CARF: variants seen among roughly 807,000 people sequenced by gnomAD.
The protein encoded by CARF is calcium responsive transcription factor.
CARF carries 57 observed loss-of-function variants against 82.0 expected under a neutral mutation model. The observed-to-expected ratio is 0.70, with a 90% CI of 0.56 to 0.87. The LOEUF (loss-of-function observed/expected upper bound fraction) is 0.87, where lower values mean the gene tolerates loss of function less well. Ranked by LOEUF, CARF falls within the 40% of genes least tolerant of loss-of-function variation. The probability of loss-of-function intolerance (pLI) is 0.00; values close to 1 mark genes in which losing one functional copy is unlikely to be tolerated. For synonymous variants in CARF, 268 were observed against 290.1 expected (o/e 0.92, Z 0.77); for missense variants, 771 against 855.8 (o/e 0.90, Z 1.24).
At position 202,952,583 on chromosome 2, in the gene CARF, A is replaced by G. The variant is rs1218155915; in HGVS notation, c.331A>G (p.Asn111Asp). 6.2e-7 allele frequency: 1 copy of G among 1,613,786 alleles called. No individual in the cohort carries two copies. The highest frequency in any genetic ancestry group is 1.3e-5 in the African/African-American group (1 of 74,882). ...GATGATCGTTGCCAGCCCAACAGAA[A>G]ATGGACAGGTACTTCGTGTAATTCC... Reference protein sequence around the residue: ...QMMIVASPTENGQVLRVIPPT... With the variant: ...QMMIVASPTEDGQVLRVIPPT... Residue 111 changes from asparagine (N) to aspartate (D), a missense_variant, in exon 6 of 17, where the codon AAT becomes GAT. Physicochemically the swap from Asn to Asp is conservative, Grantham distance 23 (BLOSUM62 1). Transcript: ENST00000438828.
intron 1 of CARF, among the ~76,000 whole-genome samples, chr2:202,917,398 C>T (rs1689941435): frequency 6.6e-6 from 1 of 151,992 alleles, no homozygotes; most frequent in Non-Finnish European, 1.5e-5. Flanking sequence ...ACTGTTTAGG[C>T]TCCATATTTA....
At chr2:202,925,426 C>T (rs962301335) in intron 3 of CARF, 10 of 300,888 alleles carry the variant, frequency 3.3e-5, no homozygotes, top group Admixed American at 1.1e-4. Context: ...TGCCGAGGTC[C>T]GTGCCCAGTA....
At chr2:202,964,542 A>G (rs2059460474) in intron 9 of CARF, among the ~76,000 whole-genome samples, 1 of 152,044 alleles carries the variant, frequency 6.6e-6, no homozygotes, top group African/African-American at 2.4e-5. Context: ...CAGCCTCCCA[A>G]AGTGCTGGTA....
chr2:202,960,950 G>C (rs556320053), intron 8 of CARF, among the ~76,000 whole-genome samples: 3 of 152,168 alleles, frequency 2.0e-5, no homozygotes, highest in Admixed American at 6.5e-5. Context: ...TGAAAGAATT[G>C]ATATACATTA....
intron 12 of CARF, among the ~76,000 whole-genome samples, chr2:202,972,946 C>G (rs2059862766): frequency 1.3e-5 from 2 of 151,848 alleles, no homozygotes; most frequent in South Asian, 4.2e-4. Flanking sequence ...TTTTTTTTAA[C>G]TTTTTTTGTA....
At chr2:202,947,487 G>C (rs2058556616) in intron 5 of CARF, among the ~76,000 whole-genome samples, 1 of 152,046 alleles carries the variant, frequency 6.6e-6, no homozygotes, top group South Asian at 2.1e-4. Flanking sequence ...GGGGGTAGGG[G>C]GAAAGAGGAT....
In CARF at chr2:202,942,809, A is replaced by G. The variant is rs771043074; in HGVS notation, c.148A>G (p.Thr50Ala). 6.2e-7 allele frequency: 1 copy of G among 1,614,038 alleles called. No homozygotes were observed. The highest frequency in any genetic ancestry group is 8.5e-7 in the Non-Finnish European group (1 of 1,179,990). Residue 50 changes from threonine to alanine, a missense_variant, in exon 5 of 17, where the codon ACT becomes GCT. Physicochemically the swap from Thr to Ala is moderately conservative, Grantham distance 58 (BLOSUM62 0). Coordinates refer to ENST00000438828, the MANE Select transcript of CARF (RefSeq NM_024744.17). The part of the protein sequence containing the change: ...QNDSPTVLPI[T>A]TREANNSLIS... ...TGATTCTCCTACAGTTTTGCCCATC[A>G]CTACTCGTGAAGCAAATAATTCACT... is the stretch of plus-strand genomic sequence containing the variant.
chr2:202,960,771 TTCCCTCCTTCCCTCCC>T (rs1417245365), intron 8 of CARF, among the ~76,000 whole-genome samples: 1 of 149,710 alleles, frequency 6.7e-6, no homozygotes, highest in African/African-American at 2.4e-5. Context: ...CCTTCTCTCC[TTCCCTCCTTCCCTCCC>T]TCCCTCCTTC....
chr2:202,942,437 A>T, intron 4 of CARF: 1 of 190,670 alleles, frequency 5.2e-6, no homozygotes. Flanking sequence ...TTAATATTAT[A>T]ATACAGAACT....
intron 5 of CARF, among the ~76,000 whole-genome samples, chr2:202,949,916 A>G (rs573374027): frequency 6.6e-6 from 1 of 152,286 alleles, no homozygotes; most frequent in African/African-American, 2.4e-5. Context: ...CAATGGATGA[A>G]GATGTTTTGG....
At chr2:202,935,104 A>T (rs1276909971) in intron 3 of CARF, among the ~76,000 whole-genome samples, 1 of 142,682 alleles carries the variant, frequency 7.0e-6, no homozygotes. Flanking sequence ...TATATATAAT[A>T]TATAATTATA....
chr2:202,968,034 T>A (rs2059623757), intron 10 of CARF, among the ~76,000 whole-genome samples: 1 of 152,206 alleles, frequency 6.6e-6, no homozygotes. Flanking sequence ...ATAAAAAATT[T>A]AAAAGATAAT....
At chr2:202,978,224 T>C (rs1306290303) in intron 14 of CARF, among the ~76,000 whole-genome samples, 1 of 152,150 alleles carries the variant, frequency 6.6e-6, no homozygotes. Flanking sequence ...GAATAGAGCA[T>C]TGGTAGGACA....
chr2:202,929,400 A>G (rs1232441820), intron 3 of CARF, among the ~76,000 whole-genome samples: 1 of 152,158 alleles, frequency 6.6e-6, no homozygotes, highest in African/African-American at 2.4e-5. Context: ...TTTACTGCAT[A>G]CAGATATCCA....
chr2:202,940,016 A>ATTGTTTGT (rs1283388850), intron 3 of CARF, among the ~76,000 whole-genome samples: 19 of 150,716 alleles, frequency 1.3e-4, no homozygotes, highest in African/African-American at 4.6e-4. Flanking sequence ...GCAGTTTTTC[A>ATTGTTTGT]TTGTTTCTTT....
chr2:202,943,822 A>G (rs1424739157), intron 5 of CARF, among the ~76,000 whole-genome samples: 2 of 151,468 alleles, frequency 1.3e-5, no homozygotes, highest in East Asian at 3.9e-4. Context: ...TAGTTTTTGT[A>G]TTTTTAGTAG....
chr2:202,952,846 T>C (rs949486015), intron 6 of CARF, among the ~76,000 whole-genome samples, 167 bp downstream of exon 6: 4 of 152,196 alleles, frequency 2.6e-5, no homozygotes, highest in Non-Finnish European at 4.4e-5. Context: ...AAAGTTCATT[T>C]TTCAACTCCT....
intron 1 of CARF, among the ~76,000 whole-genome samples, chr2:202,913,549 C>A (rs1276750040): frequency 1.3e-5 from 2 of 152,140 alleles, no homozygotes; most frequent in Non-Finnish European, 1.5e-5. Context: ...ATTAGAAAAC[C>A]TCTGTGCTGA....
rs150289443 is a variant in CARF at position 202,964,859 on chromosome 2, TTA to T, written c.833-2106_833-2105del. ...TATATCTCTAAAAGATAAGGACTCC[TTA>T]TATATATATATACATATATGTGTAT... On this transcript the variant is annotated intron_variant, in intron 9 of 16. Transcript: ENST00000438828. Among the ~76,000 whole-genome samples the T allele has an allele frequency of 3.1e-4, 44 of 141,522 alleles. 1 individual carries two copies. The East Asian group carries it at 3.4e-3, about 11-fold the overall frequency. 92.8% of individuals were successfully genotyped at this position (141,522 alleles called of 152,430 possible).
Sources: gnomAD v4.1 joint callset for allele counts (sites outside exome capture counted in the v4.1 genomes callset) on GRCh38, gnomAD v4.1.1 for gene constraint, MANE v1.5 for transcripts, NCBI Gene and HGNC (gene_info 2026-07-23, HGNC 2026-07-21) for gene names.